SHANK2: variants seen among roughly 807,000 people sequenced by gnomAD.
SHANK2 encodes SH3 and multiple ankyrin repeat domains 2.
SHANK2 carries 43 observed loss-of-function variants against 133.7 expected under a neutral mutation model. The observed-to-expected ratio is 0.32, with a 90% confidence interval of 0.25 to 0.41. The LOEUF (loss-of-function observed/expected upper bound fraction) is 0.41. Ranked by LOEUF, SHANK2 falls within the 10% of genes least tolerant of loss-of-function variation. The pLI is 1.00. For synonymous variants in SHANK2, 1,017 were observed against 952.8 expected (o/e 1.07, Z -1.24); for missense variants, 1,994 against 2,235.8 (o/e 0.89, Z 2.18).
chr11:71,096,950 C>A (rs2135138907), intron 6 of SHANK2, among the ~76,000 whole-genome samples: 1 of 152,308 alleles, frequency 6.6e-6, no homozygotes, highest in African/African-American at 2.4e-5. Flanking sequence ...TGCCTGCAGC[C>A]AAACCACATC....
At chr11:70,818,418 TTCTC>T (rs1459704653) in intron 12 of SHANK2, among the ~76,000 whole-genome samples, 1 of 152,156 alleles carries the variant, frequency 6.6e-6, no homozygotes, top group Non-Finnish European at 1.5e-5. Context: ...ACCCGGCTGC[TTCTC>T]TCTTTCCCGA....
At chr11:70,506,158 C>G (rs1216705852) in intron 17 of SHANK2, among the ~76,000 whole-genome samples, 2 of 152,226 alleles carry the variant, frequency 1.3e-5, no homozygotes, top group African/African-American at 2.4e-5. Context: ...GGCCAAGGAC[C>G]TTGGCGGCCC....
chr11:71,083,296 TGATGACAATGAG>T (rs1282785658), intron 8 of SHANK2, among the ~76,000 whole-genome samples: 7 of 152,006 alleles, frequency 4.6e-5, no homozygotes, highest in African/African-American at 1.7e-4. Context: ...ATGATGACAA[TGATGACAATGAG>T]GATGATGATG....
intron 13 of SHANK2, among the ~76,000 whole-genome samples, chr11:70,798,793 A>G (rs1947977831): frequency 6.6e-6 from 1 of 152,226 alleles, no homozygotes; most frequent in Non-Finnish European, 1.5e-5. Flanking sequence ...TGAGACAGGA[A>G]TGAAGCACTG....
intron 23 of SHANK2, chr11:70,489,759 A>G (rs747836061): frequency 6.7e-6 from 2 of 300,666 alleles, no homozygotes; most frequent in Admixed American, 4.7e-5. Flanking sequence ...AACAGGGTCA[A>G]TAGGAATAAT....
chr11:71,079,384 G>T (rs1951262016), intron 8 of SHANK2, among the ~76,000 whole-genome samples: 1 of 152,208 alleles, frequency 6.6e-6, no homozygotes, highest in African/African-American at 2.4e-5. Context: ...CTCTCCGCGT[G>T]GAGGGCATAT....
chr11:70,926,360 G>A (rs1489939668), intron 10 of SHANK2, among the ~76,000 whole-genome samples: 1 of 152,202 alleles, frequency 6.6e-6, no homozygotes, highest in Non-Finnish European at 1.5e-5. Flanking sequence ...GAAAGGACAT[G>A]CTTGGCTCAG....
At chr11:70,599,941 A>AAGAT (rs2060467401) in intron 17 of SHANK2, among the ~76,000 whole-genome samples, 1 of 129,086 alleles carries the variant, frequency 7.7e-6, no homozygotes, top group African/African-American at 3.4e-5. Flanking sequence ...GAAAGAAAGA[A>AAGAT]AGAAAGAAAG....
chr11:70,753,231 T>C (rs77956901), intron 14 of SHANK2, among the ~76,000 whole-genome samples: 3 of 145,636 alleles, frequency 2.1e-5, no homozygotes, highest in African/African-American at 5.0e-5. Flanking sequence ...CACACGATGA[T>C]ACTGGAAAAT....
intron 6 of SHANK2, among the ~76,000 whole-genome samples, chr11:71,098,351 C>T (rs1174743346): frequency 6.6e-6 from 1 of 152,208 alleles, no homozygotes; most frequent in Admixed American, 6.5e-5. Flanking sequence ...ATCCTAGTGT[C>T]CAAGATCAGT....
intron 14 of SHANK2, among the ~76,000 whole-genome samples, chr11:70,754,594 G>A (rs782078475): frequency 1.3e-5 from 2 of 152,218 alleles, no homozygotes; most frequent in African/African-American, 2.4e-5. Flanking sequence ...GCAGAGCCCA[G>A]CCTGGAACTT....
chr11:70,911,202 G>GT (rs1182403453), intron 10 of SHANK2: 6 of 456,274 alleles, frequency 1.3e-5, no homozygotes, highest in East Asian at 1.4e-4. Flanking sequence ...AGTTGGATGA[G>GT]TTTTTTTGTT....
chr11:70,494,852 T>C (rs916527180), intron 21 of SHANK2, among the ~76,000 whole-genome samples: 8 of 152,206 alleles, frequency 5.3e-5, no homozygotes, highest in African/African-American at 1.4e-4. Context: ...CAAGTCCAGC[T>C]GACCAGGCCT....
At chr11:70,603,231 C>T (rs1453154768) in intron 17 of SHANK2, 2 of 152,396 alleles carry the variant, frequency 1.3e-5, no homozygotes, top group Non-Finnish European at 1.5e-5. Context: ...GGGCCATGTA[C>T]ACCAGATGGG....
intron 6 of SHANK2, among the ~76,000 whole-genome samples, chr11:71,101,634 C>A (rs782620623): frequency 6.6e-6 from 1 of 152,204 alleles, no homozygotes; most frequent in East Asian, 1.9e-4. Context: ...TCTGGGGAAT[C>A]GCACTTGGCG....
chr11:70,740,190 C>T (rs1407518194), intron 14 of SHANK2, among the ~76,000 whole-genome samples: 1 of 152,064 alleles, frequency 6.6e-6, no homozygotes, highest in East Asian at 1.9e-4. Context: ...ACAGTGCCTG[C>T]CACACAGCAG....
At chr11:70,896,890 T>C (rs1949944060) in intron 10 of SHANK2, among the ~76,000 whole-genome samples, 1 of 152,154 alleles carries the variant, frequency 6.6e-6, no homozygotes, top group Non-Finnish European at 1.5e-5. Flanking sequence ...AATCTCCCCA[T>C]TGACTATGTC....
At chr11:70,785,469 T>C (rs1411013452) in intron 14 of SHANK2, among the ~76,000 whole-genome samples, 3 of 152,226 alleles carry the variant, frequency 2.0e-5, no homozygotes, top group African/African-American at 7.2e-5. Context: ...TCCTTTTTTT[T>C]GCCAGCTGGC....
chr11:70,730,262 G>C (rs944569600), intron 14 of SHANK2, among the ~76,000 whole-genome samples: 1 of 152,072 alleles, frequency 6.6e-6, no homozygotes, highest in Non-Finnish European at 1.5e-5. Context: ...TTGGTTCAAC[G>C]AACACCTAGA....
Sources: gnomAD v4.1 joint callset for allele counts (sites outside exome capture counted in the v4.1 genomes callset) on GRCh38, gnomAD v4.1.1 for gene constraint, MANE v1.5 for transcripts, NCBI Gene and HGNC (gene_info 2026-07-23, HGNC 2026-07-21) for gene names.